The following IMPG1 variants were observed in gnomAD, a reference collection of about 807,000 sequenced individuals.
IMPG1 encodes the protein interphotoreceptor matrix proteoglycan 1.
In IMPG1, 85 loss-of-function variants were observed where a neutral mutation model predicts 92.0. That is an observed-to-expected ratio of 0.92 (90% CI 0.78 to 1.11). The LOEUF (loss-of-function observed/expected upper bound fraction) is 1.11, where lower values mean the gene tolerates loss of function less well. IMPG1 is among the 50% of genes least tolerant of loss of function. The pLI, the probability that IMPG1 is intolerant of heterozygous loss-of-function variation, is 0.00. For synonymous variants in IMPG1, 367 were observed against 334.1 expected, an observed-to-expected ratio of 1.10 and a Z score of -1.08; for missense variants, 1,022 against 956.0, an observed-to-expected ratio of 1.07 and a Z score of -0.91.
chr6:75,965,329 T>C (rs907300183), intron 12 of IMPG1, among the ~76,000 whole-genome samples: 2 of 151,912 alleles, frequency 1.3e-5, no homozygotes, highest in African/African-American at 4.8e-5. Context: ...GTATAAGTGA[T>C]ACAGATCCAA....
intron 12 of IMPG1, among the ~76,000 whole-genome samples, chr6:75,953,960 G>A (rs1355219394): frequency 6.6e-6 from 1 of 152,172 alleles, no homozygotes; most frequent in Non-Finnish European, 1.5e-5. Context: ...TGTTATGGCT[G>A]CATAGTATTC....
At chr6:75,984,501 T>C (rs1313827108) in intron 12 of IMPG1, among the ~76,000 whole-genome samples, 1 of 152,246 alleles carries the variant, frequency 6.6e-6, no homozygotes, top group Non-Finnish European at 1.5e-5. Context: ...TTACACTGTA[T>C]GAGGAATTTT....
At chr6:76,031,040 T>C (rs2149486956) in intron 4 of IMPG1, among the ~76,000 whole-genome samples, 1 of 152,202 alleles carries the variant, frequency 6.6e-6, no homozygotes, top group East Asian at 1.9e-4. Context: ...TTTCTTCCTT[T>C]CCACCCAATA....
intron 14 of IMPG1, chr6:75,934,859 G>C: frequency 2.3e-6 from 1 of 441,942 alleles, no homozygotes; most frequent in Non-Finnish European, 4.8e-6. Context: ...TGTGTGCTGA[G>C]TGCCTTATCT....
intron 1 of IMPG1, among the ~76,000 whole-genome samples, chr6:76,045,441 CTTTTTTTT>C (rs10700038): frequency 3.3e-5 from 4 of 122,440 alleles, no homozygotes; most frequent in Non-Finnish European, 6.7e-5. Context: ...CAACCTCCAT[CTTTTTTTT>C]TTTTTTTTTT....
At chr6:76,045,701 A>T (rs1783928927) in intron 1 of IMPG1, among the ~76,000 whole-genome samples, 1 of 152,194 alleles carries the variant, frequency 6.6e-6, no homozygotes, top group Non-Finnish European at 1.5e-5. Flanking sequence ...AAATAAAAAG[A>T]GCTGATAGTT....
chr6:76,066,289 T>C (rs1009982236), intron 1 of IMPG1, among the ~76,000 whole-genome samples: 1 of 151,934 alleles, frequency 6.6e-6, no homozygotes, highest in Admixed American at 6.6e-5. Context: ...TGAAATGGAT[T>C]AAAAAACAAG....
chr6:75,938,851 A>AAAACAAAACAAAAC (rs1265325571), intron 14 of IMPG1, among the ~76,000 whole-genome samples: 1 of 83,436 alleles, frequency 1.2e-5, no homozygotes, highest in African/African-American at 3.7e-5. Flanking sequence ...CAAAACAAAA[A>AAAACAAAACAAAAC]AATACTATAC....
rs541391463 is a variant in IMPG1, at chr6:75,983,709, A to C, written c.1291+19209T>G. 2.1e-3 allele frequency among the ~76,000 whole-genome samples: 314 copies of C among 152,300 alleles called. 1 individual carries two copies. The highest frequency in any genetic ancestry group is 3.4e-3 in the Non-Finnish European group (232 of 68,006). ...ACAACTCTAAAAGCACAGGCAGCAA[A>C]AGTGAAAATAGACAAACAGGATTAC... is the stretch of plus-strand genomic sequence containing the variant. On this transcript the variant is annotated intron_variant, in intron 12 of 16. Transcript: ENST00000369950.
chr6:76,021,188 T>C (rs1783417493), intron 6 of IMPG1, among the ~76,000 whole-genome samples: 1 of 152,214 alleles, frequency 6.6e-6, no homozygotes, highest in Admixed American at 6.5e-5. Context: ...TGATCCCAGG[T>C]CTTTAGACAA....
intron 3 of IMPG1, 46 bp from the exon 4 acceptor site, chr6:76,034,389 C>G: frequency 6.5e-7 from 1 of 1,544,556 alleles, no homozygotes; most frequent in Non-Finnish European, 8.9e-7. Flanking sequence ...GGAGATAATG[C>G]CAACCGAAGA....
chr6:75,974,399 T>C (rs1352092448), intron 12 of IMPG1, among the ~76,000 whole-genome samples: 2,484 of 122,720 alleles, frequency 0.02, 115 homozygotes, highest in Non-Finnish European at 0.032. Flanking sequence ...TTCTTTTCTT[T>C]CTTTCCTTCC....
At chr6:76,004,828 C>A (rs1232296690) in intron 10 of IMPG1, among the ~76,000 whole-genome samples, 1 of 152,204 alleles carries the variant, frequency 6.6e-6, no homozygotes, top group Non-Finnish European at 1.5e-5. Context: ...CTGCTTCTAG[C>A]CTCAGGGAAC....
chr6:76,016,275 CA>C (rs1490750977), intron 7 of IMPG1, among the ~76,000 whole-genome samples: 3 of 151,910 alleles, frequency 2.0e-5, no homozygotes, highest in Non-Finnish European at 2.9e-5. Flanking sequence ...TTAAAAATCC[CA>C]ATATATTTGC....
chr6:76,025,137 G>A (rs567975285), intron 5 of IMPG1, 57 bp downstream of exon 5: 1 of 939,152 alleles, frequency 1.1e-6, no homozygotes, highest in Non-Finnish European at 1.7e-6. Context: ...TAAATAACAT[G>A]CTATCATGAT....
chr6:75,934,775 C>G (rs1781715484), intron 14 of IMPG1: 1 of 306,550 alleles, frequency 3.3e-6, no homozygotes, highest in Admixed American at 3.8e-5. Context: ...AACTCAAGAT[C>G]GTGCCCTCCG....
chr6:76,011,629 C>T lies in IMPG1; in HGVS notation c.808-405G>A, dbSNP rs1192719248. ...CTTTAAGTTTTAGGGTACATGTGCA[C>T]ATTGTGCAGGTTAGTTACATATGTA... On this transcript the variant is annotated intron_variant, in intron 7 of 16. Transcript: ENST00000369950. Among the ~76,000 whole-genome samples the T allele has an allele frequency of 3.3e-5, 5 of 151,514 alleles. No individual in the cohort carries two copies. The East Asian group carries it at 9.7e-4, about 29-fold the overall frequency.
chr6:76,035,659 C>G (rs534529643), intron 2 of IMPG1, among the ~76,000 whole-genome samples: 2 of 152,290 alleles, frequency 1.3e-5, no homozygotes, highest in Admixed American at 1.3e-4. Flanking sequence ...TAAAGAGAAT[C>G]AATTTCCAGG....
At chr6:75,951,732 A>G (rs1782035093) in intron 12 of IMPG1, among the ~76,000 whole-genome samples, 1 of 152,196 alleles carries the variant, frequency 6.6e-6, no homozygotes, top group Non-Finnish European at 1.5e-5. Flanking sequence ...TGGTGAACAT[A>G]TAATTTGAAT....
Sources: allele counts gnomAD v4.1 joint callset (sites outside exome capture counted in the v4.1 genomes callset), GRCh38; gene constraint gnomAD v4.1.1; transcripts MANE v1.5; gene names NCBI Gene and HGNC (gene_info 2026-07-23, HGNC 2026-07-21).